Variants in GPC5 observed in about 807,000 individuals in gnomAD.
GPC5 encodes glypican-5.
In GPC5, 47 loss-of-function variants were observed where a neutral mutation model predicts 53.9. The observed-to-expected ratio is 0.87, with a 90% CI of 0.69 to 1.11. GPC5 has a LOEUF of 1.11. Among genes scored for constraint, GPC5 ranks in the 50% most tolerant of loss-of-function variants. The pLI is 0.00. For missense variants in GPC5, 748 were observed against 713.1 expected, an observed-to-expected ratio of 1.05 and a Z score of -0.56; for synonymous variants, 286 against 263.3, an observed-to-expected ratio of 1.09 and a Z score of -0.84.
In GPC5 at chr13:92,547,819, C is replaced by CTTTTTT. The variant is rs567478017; in HGVS notation, c.1562-318444_1562-318439dup. Among the ~76,000 whole-genome samples, 57 of 100,438 alleles carry CTTTTTT rather than the reference C, an allele frequency of 5.7e-4. 3 individuals carry two copies. Among genetic ancestry groups the CTTTTTT allele is most frequent in the African/African-American group, 1.7e-3 (42 of 24,948 alleles). 65.9% of individuals were successfully genotyped at this position (100,438 alleles called of 152,430 possible). On this transcript the variant is annotated intron_variant, in intron 7 of 7. Coordinates refer to ENST00000377067, the MANE Select transcript of GPC5 (RefSeq NM_004466.6). ...AAGAAAACTTATTATGCCTATTATT[C>CTTTTTT]TTTTTTTTTTTTTTTTTTTTTTTTC...
rs561443324 is a variant in GPC5, at chr13:92,120,715, G to T, written c.1402-24115G>T. On this transcript the variant is annotated intron_variant, in intron 6 of 7. Transcript: ENST00000377067. The stretch of plus-strand genomic sequence containing the variant: ...TGGATATATTTGTAATGTTAAAATT[G>T]TGTTTAAGTGATGTTTACTAAACAG... 5.9e-5 allele frequency among the ~76,000 whole-genome samples: 9 copies of T among 152,170 alleles called. No individual in the cohort carries two copies. The South Asian group carries it at 1.7e-3, about 28-fold the overall frequency.
chr13:91,853,867 T>C (rs8001220), intron 5 of GPC5, among the ~76,000 whole-genome samples: 29,220 of 151,766 alleles, frequency 0.19, 3,085 homozygotes, highest in East Asian at 0.31. Flanking sequence ...AAACCCTACA[T>C]TGGGTTTTGA....
chr13:92,496,667 C>G (rs1202615347), intron 7 of GPC5, among the ~76,000 whole-genome samples: 1 of 152,082 alleles, frequency 6.6e-6, no homozygotes, highest in Non-Finnish European at 1.5e-5. Context: ...TCAGTACCGC[C>G]AGCACAAAGC....
intron 7 of GPC5, among the ~76,000 whole-genome samples, chr13:92,170,235 A>G (rs2042059770): frequency 6.6e-6 from 1 of 151,744 alleles, no homozygotes; most frequent in East Asian, 1.9e-4. Context: ...TTTTGTATAG[A>G]AAGTCTTTTG....
intron 7 of GPC5, among the ~76,000 whole-genome samples, chr13:92,714,936 G>C (rs1019966121): frequency 6.6e-6 from 1 of 152,026 alleles, no homozygotes; most frequent in Non-Finnish European, 1.5e-5. Flanking sequence ...CATGGTGGTG[G>C]GTGCCTGGAA....
chr13:91,878,006 C>T (rs953838803), intron 5 of GPC5, among the ~76,000 whole-genome samples: 2 of 152,086 alleles, frequency 1.3e-5, no homozygotes, highest in Admixed American at 6.5e-5. Flanking sequence ...CTTGCCATTG[C>T]CATGTGAGAA....
At chr13:92,155,762 T>TG (rs2041940182) in intron 7 of GPC5, among the ~76,000 whole-genome samples, 1 of 133,670 alleles carries the variant, frequency 7.5e-6, no homozygotes, top group Non-Finnish European at 1.7e-5. Context: ...TTCTATTTTT[T>TG]TGAGATCTCT....
chr13:91,690,345 A>T (rs2035731418), intron 2 of GPC5, among the ~76,000 whole-genome samples: 1 of 152,166 alleles, frequency 6.6e-6, no homozygotes, highest in Non-Finnish European at 1.5e-5. Context: ...TTTAAAGAAT[A>T]AAACTGAATC....
intron 2 of GPC5, among the ~76,000 whole-genome samples, chr13:91,584,236 AG>A (rs965448691): frequency 3.3e-5 from 5 of 152,158 alleles, no homozygotes; most frequent in African/African-American, 1.2e-4. Context: ...GAAATTGTTA[AG>A]TTTTTTTTTG....
intron 6 of GPC5, among the ~76,000 whole-genome samples, chr13:91,992,022 T>C (rs1001462103): frequency 6.6e-6 from 1 of 152,178 alleles, no homozygotes; most frequent in African/African-American, 2.4e-5. Context: ...ATCTAAGGAC[T>C]ATATTTCTTT....
At chr13:92,087,349 A>C (rs528389155) in intron 6 of GPC5, among the ~76,000 whole-genome samples, 16 of 152,304 alleles carry the variant, frequency 1.1e-4, no homozygotes, top group Non-Finnish European at 1.9e-4. Flanking sequence ...TCAAGATTGA[A>C]TCTGATTTTC....
intron 7 of GPC5, among the ~76,000 whole-genome samples, chr13:92,589,566 C>T (rs78429585): frequency 0.065 from 9,900 of 152,172 alleles, 408 homozygotes; most frequent in Middle Eastern, 0.13. Flanking sequence ...TGTTAGTGAG[C>T]AGAAGAATAA....
chr13:91,801,253 T>TTGTGTGTGTGTG (rs71113762), intron 5 of GPC5, among the ~76,000 whole-genome samples: 3,806 of 146,310 alleles, frequency 0.026, 54 homozygotes, highest in East Asian at 0.086. Flanking sequence ...CATCCATACT[T>TTGTGTGTGTGTG]TGTGTGTGTG....
chr13:91,744,416 ATT>A (rs925760647), intron 4 of GPC5, among the ~76,000 whole-genome samples: 1 of 152,166 alleles, frequency 6.6e-6, no homozygotes, highest in Non-Finnish European at 1.5e-5. Context: ...GAGCATTGCT[ATT>A]TATAGATTTC....
chr13:91,729,332 C>T (rs958004896), intron 4 of GPC5, among the ~76,000 whole-genome samples: 2 of 152,004 alleles, frequency 1.3e-5, no homozygotes, highest in Non-Finnish European at 2.9e-5. Flanking sequence ...AAATGTAAAG[C>T]TCTTAAAACT....
At chr13:91,712,978 G>T (rs1466732217) in intron 3 of GPC5, among the ~76,000 whole-genome samples, 9 of 152,266 alleles carry the variant, frequency 5.9e-5, no homozygotes, top group South Asian at 2.1e-4. Flanking sequence ...ATTACCTGAG[G>T]TCAGGAGTTT....
At chr13:91,943,079 C>A (rs2039942568) in intron 6 of GPC5, among the ~76,000 whole-genome samples, 1 of 151,946 alleles carries the variant, frequency 6.6e-6, no homozygotes, top group African/African-American at 2.4e-5. Flanking sequence ...CTTTAATCAC[C>A]ATTTGTTTTG....
chr13:92,106,037 G>C (rs2041506867), intron 6 of GPC5, among the ~76,000 whole-genome samples: 1 of 151,956 alleles, frequency 6.6e-6, no homozygotes, highest in South Asian at 2.1e-4. Flanking sequence ...ATGTACCAGT[G>C]ATTCATTCCT....
chr13:92,168,470 A>C (rs1265281479), intron 7 of GPC5, among the ~76,000 whole-genome samples: 1 of 152,246 alleles, frequency 6.6e-6, no homozygotes, highest in East Asian at 1.9e-4. Context: ...AAAATCTATA[A>C]GAAACTTAAA....
Sources: allele counts gnomAD v4.1 joint callset (sites outside exome capture counted in the v4.1 genomes callset), GRCh38; gene constraint gnomAD v4.1.1; transcripts MANE v1.5; gene names NCBI Gene and HGNC (gene_info 2026-07-23, HGNC 2026-07-21).